Variants in TASOR2 observed in about 807,000 individuals in gnomAD.
TASOR2 encodes the protein protein TASOR 2.
TASOR2 carries 84 observed loss-of-function variants against 199.5 expected under a neutral mutation model. That is an observed-to-expected ratio of 0.42 (90% CI 0.35 to 0.50). TASOR2 has a LOEUF of 0.50. TASOR2 is among the 20% of genes least tolerant of loss of function. The probability of loss-of-function intolerance (pLI) is 0.02; values close to 1 mark genes in which losing one functional copy is unlikely to be tolerated. For missense variants in TASOR2, 2,796 were observed against 2,835.9 expected (o/e 0.99, Z 0.32); for synonymous variants, 1,103 against 1,046.6 (o/e 1.05, Z -1.04).
chr10:5,741,854 G>A (rs1287721532), intron 13 of TASOR2, among the ~76,000 whole-genome samples: 2 of 152,162 alleles, frequency 1.3e-5, no homozygotes, highest in Non-Finnish European at 2.9e-5. Flanking sequence ...TACAGGTTTT[G>A]TGATTTGAAA....
In TASOR2 at chr10:5,738,447, T is replaced by C. The variant is rs1835923222; in HGVS notation, c.1448-1171T>C. Among the ~76,000 whole-genome samples, 1 of 152,196 alleles carries C rather than the reference T, an allele frequency of 6.6e-6. No homozygotes were observed. The highest frequency in any genetic ancestry group is 1.9e-4 in the East Asian group (1 of 5,198). On this transcript the variant is annotated intron_variant, in intron 12 of 20. Coordinates refer to ENST00000328090, the Ensembl canonical transcript of TASOR2. The surrounding 1 kb of genome is among the most constrained non-coding windows in gnomAD (Gnocchi z 4.7). ...ATGAAATTAGCATCAGATCACAAAATTAATTTTATGTTTCCAGTATACCTG... is the reference window on the plus strand; with the variant it reads ...ATGAAATTAGCATCAGATCACAAAACTAATTTTATGTTTCCAGTATACCTG...
At position 5,697,451 on chromosome 10, in the gene TASOR2, G is replaced by A. The variant is rs143192242; in HGVS notation, c.-288+12276G>A. Among the ~76,000 whole-genome samples the A allele has an allele frequency of 7.1e-4, 108 of 152,236 alleles. 1 individual carries two copies. Among genetic ancestry groups the A allele is most frequent in the African/African-American group, 2.4e-3 (99 of 41,538 alleles). The stretch of plus-strand genomic sequence containing the variant: ...AGCCCTATCCAAAGAGAGAAGTCTC[G>A]TATACCTGGCTAAGACTGAGGAGCC... On this transcript the variant is annotated intron_variant, in intron 1 of 20. Transcript: ENST00000328090.
rs764998702 is a variant in TASOR2 at position 5,739,900 on chromosome 10, G to A, written c.1730G>A (p.Arg577Gln). 57 of 1,614,138 alleles carry A rather than the reference G, an allele frequency of 3.5e-5. No individual in the cohort carries two copies. The Admixed American group carries it at 4.7e-4, about 13-fold the overall frequency. Residue 577 changes from arginine to glutamine, a missense_variant, in exon 13 of 21, where the codon CGA becomes CAA. By Grantham distance (43) the Arg-to-Gln change is conservative. Around this residue, in one of 3 missense-constraint regions of TASOR2, gnomAD observed 847 missense variants for 887.4 expected, o/e 0.95. Coordinates refer to ENST00000328090, the Ensembl canonical transcript of TASOR2. ...TTGCTCTCTAAAGAAAATTCTTTGCGAGGTACATCTGACCATGAATATCAT... is the reference window on the plus strand; with the variant it reads ...TTGCTCTCTAAAGAAAATTCTTTGCAAGGTACATCTGACCATGAATATCAT...
At chr10:5,749,547 A>G in exon 15 of TASOR2, 1 of 1,614,072 alleles carries the variant, frequency 6.2e-7, no homozygotes, top group South Asian at 1.1e-5. Flanking sequence ...TTCTGGTAAC[A>G]GTTGTGGAGT....
At chr10:5,761,709 A>G (rs1448396246) in intron 19 of TASOR2, 2 of 455,456 alleles carry the variant, frequency 4.4e-6, no homozygotes, top group African/African-American at 4.0e-5. Flanking sequence ...TACTCAATAC[A>G]GTATAAGTAG....
intron 10 of TASOR2, among the ~76,000 whole-genome samples, 155 bp downstream of exon 11, chr10:5,727,278 T>C: frequency 6.6e-6 from 1 of 152,224 alleles, no homozygotes; most frequent in East Asian, 1.9e-4. Context: ...TTGACCTCCC[T>C]TGTAGGTTTA....
At chr10:5,745,878 T>A (rs992957663) in intron 14 of TASOR2, among the ~76,000 whole-genome samples, 2 of 152,236 alleles carry the variant, frequency 1.3e-5, no homozygotes, top group Admixed American at 6.5e-5. Flanking sequence ...GCAAACAGGC[T>A]GCATTTAAAG....
chr10:5,745,189 C>CTAAA (rs1325898403), intron 14 of TASOR2, among the ~76,000 whole-genome samples: 1 of 152,136 alleles, frequency 6.6e-6, no homozygotes, highest in Non-Finnish European at 1.5e-5. Flanking sequence ...AATGTTTAAC[C>CTAAA]TAAATCCTGC....
Position 5,748,511 on chromosome 10 carries a change from G to GTGAGCCTGAAGCTGA in TASOR2, c.5091_5105dup (p.Ala1701_Glu1702insAspGluProGluAla), listed in dbSNP as rs1837542937. ...AGAATGGCCAGTTTGCTTAAGAATG[G>GTGAGCCTGAAGCTGA]TGAGCCTGAAGCTGAGTTACATAAA... is the stretch of plus-strand genomic sequence containing the variant. On this transcript the variant is annotated inframe_insertion, in exon 15 of 21. Coordinates refer to ENST00000328090, the Ensembl canonical transcript of TASOR2. This position sits in a 1 kb window ranked among gnomAD's most constrained non-coding sequence, Gnocchi z 5.1. 1.9e-6 allele frequency: 3 copies of GTGAGCCTGAAGCTGA among 1,613,814 alleles called. No individual in the cohort carries two copies. Among genetic ancestry groups the GTGAGCCTGAAGCTGA allele is most frequent in the Non-Finnish European group, 1.7e-6 (2 of 1,180,044 alleles).
chr10:5,709,583 T>G, intron 1 of TASOR2: 2 of 1,231,012 alleles, frequency 1.6e-6, no homozygotes, highest in Non-Finnish European at 2.0e-6. Context: ...GAGGGTATAC[T>G]TGGTGAAAAT....
Position 5,720,110 on chromosome 10 carries a change from T to G in TASOR2, c.-99-434T>G. 3.0e-6 allele frequency: 1 copy of G among 328,564 alleles called. No individual in the cohort carries two copies. Among genetic ancestry groups the G allele is most frequent in the Non-Finnish European group, 4.4e-6 (1 of 229,638 alleles). 20.4% of individuals were successfully genotyped at this position (328,564 alleles called of 1,614,324 possible). On this transcript the variant is annotated intron_variant, in intron 3 of 20. Coordinates refer to ENST00000328090, the Ensembl canonical transcript of TASOR2. This position sits in a 1 kb window ranked among gnomAD's most constrained non-coding sequence, Gnocchi z 5.3. ...ATCAAAACTATTTTTGGCCTTAAGA[T>G]AATTGTTTTTCTAAGAAGTATAGTT...
chr10:5,715,779 A>T (rs993895588), intron 2 of TASOR2, among the ~76,000 whole-genome samples: 1 of 152,098 alleles, frequency 6.6e-6, no homozygotes, highest in African/African-American at 2.4e-5. Flanking sequence ...AGTAGCTGAG[A>T]TTACAGGCAC....
intron 1 of TASOR2, among the ~76,000 whole-genome samples, chr10:5,693,658 A>T (rs1836773569): frequency 6.6e-6 from 1 of 152,240 alleles, no homozygotes; most frequent in Non-Finnish European, 1.5e-5. Context: ...CAAAACCACA[A>T]CTATAACTGG....
chr10:5,748,497 T>G lies in TASOR2; in HGVS notation c.5076T>G (p.Ser1692Arg). 6.2e-7 allele frequency: 1 copy of G among 1,613,910 alleles called. No individual in the cohort carries two copies. The highest frequency in any genetic ancestry group is 8.5e-7 in the Non-Finnish European group (1 of 1,180,034). Residue 1692 changes from serine to arginine, a missense_variant, in exon 15 of 21, where the codon AGT becomes AGG. This residue lies in a region of TASOR2 where 1,941 missense variants were observed against 1,924.9 expected (regional missense o/e 1.01). Transcript: ENST00000328090. This position sits in a 1 kb window ranked among gnomAD's most constrained non-coding sequence, Gnocchi z 5.1. ...AAATACCAGCAGGCAGAATGGCCAG[T>G]TTGCTTAAGAATGGTGAGCCTGAAG...
At chr10:5,733,187 A>T (rs1835075060) in intron 11 of TASOR2, among the ~76,000 whole-genome samples, 1 of 152,206 alleles carries the variant, frequency 6.6e-6, no homozygotes, top group Non-Finnish European at 1.5e-5. Flanking sequence ...TGTGTAATAC[A>T]GTCTGATACC....
rs1317092734 is a variant in TASOR2 at position 5,720,410 on chromosome 10, G to A, written c.-99-134G>A. Reference sequence around the variant, plus strand: ...TGAACTGAGTCAGGTATAGTTACCTGTGAATGAGTAACACCCAAGATATAT... The same window carrying A: ...TGAACTGAGTCAGGTATAGTTACCTATGAATGAGTAACACCCAAGATATAT... On this transcript the variant is annotated intron_variant, in intron 3 of 20. Transcript: ENST00000328090. The surrounding 1 kb of genome is among the most constrained non-coding windows in gnomAD (Gnocchi z 5.3). 37 of 1,390,518 alleles carry A rather than the reference G, an allele frequency of 2.7e-5. No individual in the cohort carries two copies. The South Asian group carries it at 4.2e-4, about 16-fold the overall frequency. The allele number at this position is 1,390,518 out of a possible 1,614,324, so 86.1% of individuals were successfully genotyped here.
At chr10:5,749,362 C>G (rs1837687067) in exon 15 of TASOR2, 1 of 1,614,080 alleles carries the variant, frequency 6.2e-7, no homozygotes, top group South Asian at 1.1e-5. Context: ...GGAGTATCTG[C>G]GTTTTGCACA....
chr10:5,753,110 AAGT>A (rs1564363858), intron 15 of TASOR2, among the ~76,000 whole-genome samples: 1 of 152,178 alleles, frequency 6.6e-6, no homozygotes, highest in Non-Finnish European at 1.5e-5. Context: ...TTTAAGAAAG[AAGT>A]AGCATCATAT....
At chr10:5,707,382 G>C (rs1838769492) in intron 1 of TASOR2, among the ~76,000 whole-genome samples, 1 of 152,140 alleles carries the variant, frequency 6.6e-6, no homozygotes, top group Non-Finnish European at 1.5e-5. Flanking sequence ...TATTTCATCA[G>C]TTCAGGGATC....
Sources: allele counts gnomAD v4.1 joint callset (sites outside exome capture counted in the v4.1 genomes callset), GRCh38; gene constraint gnomAD v4.1.1; regional missense constraint gnomAD v4.1.1; non-coding constraint Gnocchi (gnomAD v3.1); transcripts MANE v1.5; gene names NCBI Gene and HGNC (gene_info 2026-07-23, HGNC 2026-07-21).